SMYD3: variants seen among roughly 807,000 people sequenced by gnomAD.
SMYD3 encodes the protein histone-lysine N-methyltransferase SMYD3.
In SMYD3, 36 loss-of-function variants were observed where a neutral mutation model predicts 57.7. The ratio of observed to expected loss-of-function variants is 0.62; its 90% CI spans 0.48 to 0.82. SMYD3 has a LOEUF of 0.82. Ranked by LOEUF, SMYD3 falls within the 40% of genes least tolerant of loss-of-function variation. The probability of loss-of-function intolerance (pLI) is 0.00; values close to 1 mark genes in which losing one functional copy is unlikely to be tolerated. For synonymous variants in SMYD3, 211 were observed against 195.0 expected, an observed-to-expected ratio of 1.08 and a Z score of -0.68; for missense variants, 515 against 538.8, an observed-to-expected ratio of 0.96 and a Z score of 0.44.
At chr1:245,949,141 C>T (rs2057528772) in intron 5 of SMYD3, among the ~76,000 whole-genome samples, 1 of 152,202 alleles carries the variant, frequency 6.6e-6, no homozygotes, top group Admixed American at 6.5e-5. Context: ...TTGCCTATGC[C>T]ACGCCCATTG....
Position 245,898,265 on chromosome 1 carries a change from T to C in SMYD3, c.813+17265A>G, listed in dbSNP as rs903201520. ...GTCACTTTTATTTCTCAAACGAAAA[T>C]AAAATTTATTGCTGTTGTATTACAT... On this transcript the variant is annotated intron_variant, in intron 8 of 11. Coordinates refer to ENST00000490107, the MANE Select transcript of SMYD3 (RefSeq NM_001167740.2). Among the ~76,000 whole-genome samples, 10 of 152,304 alleles carry C rather than the reference T, an allele frequency of 6.6e-5. 1 individual carries two copies. The highest frequency in any genetic ancestry group is 2.4e-4 in the African/African-American group (10 of 41,562).
intron 8 of SMYD3, among the ~76,000 whole-genome samples, chr1:245,901,068 G>T (rs2054152210): frequency 6.6e-6 from 1 of 152,218 alleles, no homozygotes; most frequent in African/African-American, 2.4e-5. Flanking sequence ...GCATTAGAAT[G>T]AGCTCAGGGT....
intron 1 of SMYD3, 67 bp downstream of exon 1, chr1:246,506,987 A>ACCCCCCCCCCCCCCCCCACC: frequency 1.6e-6 from 1 of 634,740 alleles, no homozygotes; most frequent in African/African-American, 3.6e-5. Context: ...CGGCCGCCCG[A>ACCCCCCCCCCCCCCCCCACC]CGCCCCCCCC....
intron 10 of SMYD3, among the ~76,000 whole-genome samples, chr1:245,824,630 C>A (rs976778283): frequency 1.3e-5 from 2 of 151,950 alleles, no homozygotes; most frequent in African/African-American, 2.4e-5. Context: ...TCAAGGCAGG[C>A]GGATCACCTG....
chr1:245,806,790 G>T (rs1020535855), intron 10 of SMYD3, among the ~76,000 whole-genome samples: 35 of 150,826 alleles, frequency 2.3e-4, no homozygotes, highest in African/African-American at 8.6e-4. Context: ...GGCGCCTGTA[G>T]TCCCAGCTAC....
chr1:245,846,248 C>A (rs562720273), intron 10 of SMYD3, among the ~76,000 whole-genome samples: 1 of 152,182 alleles, frequency 6.6e-6, no homozygotes, highest in Admixed American at 6.5e-5. Context: ...GTCAGTCCGA[C>A]GGCCCAGACT....
intron 5 of SMYD3, among the ~76,000 whole-genome samples, chr1:246,042,113 C>T (rs1322549088): frequency 1.3e-5 from 2 of 152,188 alleles, no homozygotes; most frequent in African/African-American, 4.8e-5. Flanking sequence ...AATCCTCTAA[C>T]TGCAGAAAGC....
At chr1:246,351,186 T>C in intron 2 of SMYD3, among the ~76,000 whole-genome samples, 1 of 152,348 alleles carries the variant, frequency 6.6e-6, no homozygotes, top group Non-Finnish European at 1.5e-5. Flanking sequence ...TCTATAATTA[T>C]CAATATAAAA....
At chr1:246,326,817 G>C (rs1351121369) in intron 5 of SMYD3, 1 of 259,120 alleles carries the variant, frequency 3.9e-6, no homozygotes, top group Non-Finnish European at 7.2e-6. Flanking sequence ...TCATTTCAAA[G>C]ACAGGCTCTA....
At chr1:245,779,835 A>T (rs2046759956) in intron 10 of SMYD3, among the ~76,000 whole-genome samples, 1 of 152,238 alleles carries the variant, frequency 6.6e-6, no homozygotes, top group African/African-American at 2.4e-5. Context: ...CTAAAAAGTT[A>T]AACAGAAGAC....
chr1:245,821,740 A>G (rs2049173764), intron 10 of SMYD3, among the ~76,000 whole-genome samples: 1 of 152,172 alleles, frequency 6.6e-6, no homozygotes, highest in South Asian at 2.1e-4. Flanking sequence ...GGCAAAGGAC[A>G]TGAACAGACA....
At chr1:245,794,067 T>C (rs1217116811) in intron 10 of SMYD3, among the ~76,000 whole-genome samples, 1 of 152,242 alleles carries the variant, frequency 6.6e-6, no homozygotes, top group Non-Finnish European at 1.5e-5. Flanking sequence ...TGGTGATATA[T>C]GTGGATTTAT....
At chr1:245,839,858 C>G (rs1307880078) in intron 10 of SMYD3, among the ~76,000 whole-genome samples, 1 of 151,650 alleles carries the variant, frequency 6.6e-6, no homozygotes, top group African/African-American at 2.4e-5. Context: ...TTTAAATGAC[C>G]AATTATCCTT....
chr1:245,949,832 C>G (rs1215441488), intron 5 of SMYD3, among the ~76,000 whole-genome samples: 1 of 138,004 alleles, frequency 7.2e-6, no homozygotes, highest in African/African-American at 2.6e-5. Flanking sequence ...CCCACCCCCC[C>G]CACCCCCACC....
intron 8 of SMYD3, among the ~76,000 whole-genome samples, chr1:245,873,364 G>T (rs2052322035): frequency 6.6e-6 from 1 of 152,182 alleles, no homozygotes. Flanking sequence ...GGCTTAGGCT[G>T]CTGTAAGCCC....
chr1:246,484,833 T>C (rs12565415), intron 1 of SMYD3, among the ~76,000 whole-genome samples: 44,110 of 73,568 alleles, frequency 0.6, 14,934 homozygotes, highest in Admixed American at 0.74. Context: ...AACACATCAC[T>C]TCAACCAAAA....
intron 10 of SMYD3, among the ~76,000 whole-genome samples, chr1:245,845,928 C>T (rs2050641004): frequency 1.3e-5 from 2 of 152,392 alleles, no homozygotes; most frequent in Middle Eastern, 3.4e-3. Context: ...TTCAAACCTG[C>T]ATTTTTGGCA....
intron 5 of SMYD3, among the ~76,000 whole-genome samples, chr1:245,991,667 C>A (rs993886116): frequency 2.0e-4 from 30 of 152,244 alleles, no homozygotes; most frequent in Non-Finnish European, 4.0e-4. Context: ...AGAGCTGCTA[C>A]AAGAAGGCAG....
At chr1:245,897,374 T>C (rs944394418) in intron 8 of SMYD3, among the ~76,000 whole-genome samples, 1 of 152,192 alleles carries the variant, frequency 6.6e-6, no homozygotes, top group African/African-American at 2.4e-5. Context: ...TAGAGTACTT[T>C]AATTTTTCAA....
Sources: gnomAD v4.1 joint callset for allele counts (sites outside exome capture counted in the v4.1 genomes callset) on GRCh38, gnomAD v4.1.1 for gene constraint, MANE v1.5 for transcripts, NCBI Gene and HGNC (gene_info 2026-07-23, HGNC 2026-07-21) for gene names.